The following SLC44A5 variants were observed in gnomAD, a reference collection of about 807,000 sequenced individuals.
The protein encoded by SLC44A5 is solute carrier family 44 member 5.
Under a neutral mutation model 101.8 loss-of-function variants are expected in SLC44A5, and 57 were observed. The observed-to-expected ratio is 0.56, with a 90% CI of 0.45 to 0.70. The LOEUF is 0.70. Ranked by LOEUF, SLC44A5 falls within the 30% of genes least tolerant of loss-of-function variation. The pLI is 0.00. For missense variants in SLC44A5, 737 were observed against 853.1 expected (o/e 0.86, Z 1.70); for synonymous variants, 281 against 290.9 (o/e 0.97, Z 0.35).
intron 5 of SLC44A5, among the ~76,000 whole-genome samples, chr1:75,276,726 A>C (rs1467048637): frequency 6.6e-6 from 1 of 152,190 alleles, no homozygotes; most frequent in Non-Finnish European, 1.5e-5. Flanking sequence ...ATCTAAGACA[A>C]GAGCTTTGAT....
At chr1:75,248,991 C>T (rs1408641056) in intron 7 of SLC44A5, among the ~76,000 whole-genome samples, 1 of 151,938 alleles carries the variant, frequency 6.6e-6, no homozygotes, top group African/African-American at 2.4e-5. Flanking sequence ...TTGCAGGTCC[C>T]AGTAAGGTAA....
chr1:75,469,755 C>T (rs1212201715), intron 2 of SLC44A5, among the ~76,000 whole-genome samples: 2 of 151,914 alleles, frequency 1.3e-5, no homozygotes, highest in African/African-American at 4.8e-5. Context: ...TAAATATTAT[C>T]TGGGCATGGT....
At chr1:75,619,075 A>C in the SLC44A5 span, among the ~76,000 whole-genome samples, 49 of 17,408 alleles carry the variant, frequency 2.8e-3, no homozygotes, top group African/African-American at 6.8e-3. Flanking sequence ...TGTCTCAAAA[A>C]AAAAGGGGGG....
the SLC44A5 span, among the ~76,000 whole-genome samples, chr1:75,701,732 T>G: frequency 6.6e-6 from 1 of 152,176 alleles, no homozygotes; most frequent in African/African-American, 2.4e-5. Flanking sequence ...TGTTTGCCGA[T>G]GACATGATTG....
In SLC44A5 at chr1:75,274,948, C is replaced by A; in HGVS notation, c.260+10G>T. On this transcript the variant is annotated intron_variant, in intron 6 of 23. Transcript: ENST00000370859. ...GTAAAATCACACAAAGCAAAGGTGG[C>A]CATACTCACTCATTGGGAGTGCCCT... The A allele has an allele frequency of 6.2e-7, 1 of 1,607,142 alleles. No individual in the cohort carries two copies. Among genetic ancestry groups the A allele is most frequent in the Non-Finnish European group, 8.5e-7 (1 of 1,175,138 alleles).
chr1:75,390,459 G>C (rs369661052), intron 3 of SLC44A5, among the ~76,000 whole-genome samples: 7 of 147,500 alleles, frequency 4.7e-5, no homozygotes, highest in African/African-American at 1.5e-4. Context: ...ACATCAATAA[G>C]CTAATTCATC....
chr1:75,559,262 A>G (rs552087211), intron 1 of SLC44A5, among the ~76,000 whole-genome samples: 4 of 152,168 alleles, frequency 2.6e-5, no homozygotes, highest in South Asian at 4.1e-4. Context: ...TGAGCAGTAA[A>G]GGAAAAAGAA....
At chr1:75,501,023 G>A (rs372984090) in intron 2 of SLC44A5, among the ~76,000 whole-genome samples, 13 of 152,096 alleles carry the variant, frequency 8.5e-5, no homozygotes, top group East Asian at 1.9e-4. Context: ...GCAAAGTCAC[G>A]CATTTAATAA....
At chr1:75,222,524 C>T in intron 13 of SLC44A5, 64 bp from the exon 14 acceptor site, 1 of 939,908 alleles carries the variant, frequency 1.1e-6, no homozygotes, top group East Asian at 2.5e-5. Flanking sequence ...ACCTTCCCTG[C>T]AAATGCTAGG....
chr1:75,212,505 G>A (rs1262202562), intron 22 of SLC44A5, among the ~76,000 whole-genome samples: 1 of 152,072 alleles, frequency 6.6e-6, no homozygotes, highest in Non-Finnish European at 1.5e-5. Flanking sequence ...CATCCATGTT[G>A]CTGCAAAGGA....
intron 4 of SLC44A5, among the ~76,000 whole-genome samples, chr1:75,306,310 G>C (rs1380247407): frequency 1.3e-5 from 2 of 152,156 alleles, no homozygotes; most frequent in Admixed American, 6.5e-5. Flanking sequence ...ATTTAGCAGA[G>C]TCTTGCATGC....
intron 3 of SLC44A5, among the ~76,000 whole-genome samples, chr1:75,349,555 C>T (rs1658491054): frequency 1.3e-5 from 2 of 151,974 alleles, no homozygotes; most frequent in Admixed American, 1.3e-4. Flanking sequence ...CACTTTCAGG[C>T]AAAACAAATG....
intron 2 of SLC44A5, among the ~76,000 whole-genome samples, chr1:75,511,593 G>A (rs75355812): frequency 0.016 from 2,410 of 152,130 alleles, 64 homozygotes; most frequent in African/African-American, 0.055. Flanking sequence ...AATTTCACCA[G>A]CATTATTTTT....
chr1:75,631,606 T>C, the SLC44A5 span, among the ~76,000 whole-genome samples: 1 of 145,574 alleles, frequency 6.9e-6, no homozygotes, highest in East Asian at 2.1e-4. Context: ...GAGTGCAATG[T>C]CGCAATCTCA....
At chr1:75,715,518 C>G in the SLC44A5 span, among the ~76,000 whole-genome samples, 1 of 152,146 alleles carries the variant, frequency 6.6e-6, no homozygotes, top group African/African-American at 2.4e-5. Flanking sequence ...TGATCTTCAA[C>G]AAAGTCAACA....
intron 2 of SLC44A5, among the ~76,000 whole-genome samples, chr1:75,428,090 A>T (rs1249785): frequency 0.63 from 96,241 of 151,998 alleles, 32,142 homozygotes; most frequent in East Asian, 0.96. Context: ...GCTGGAGTGA[A>T]TAAAATTAGC....
rs536975734 is a variant in SLC44A5 at position 75,466,622 on chromosome 1, C to T, written c.14-70001G>A. On this transcript the variant is annotated intron_variant, in intron 2 of 23. Transcript: ENST00000370859. Reference sequence around the variant, plus strand: ...AGTGAGCCGAGATTGTGCCACTGCACTCCAGCCTGGGTGACAGTTCAAGAT... The same window carrying T: ...AGTGAGCCGAGATTGTGCCACTGCATTCCAGCCTGGGTGACAGTTCAAGAT... 4.9e-5 allele frequency among the ~76,000 whole-genome samples: 7 copies of T among 143,166 alleles called. No individual in the cohort carries two copies. In the South Asian group the frequency reaches 1.5e-3, roughly 31 times the overall value. 93.9% of individuals were successfully genotyped at this position (143,166 alleles called of 152,430 possible).
In SLC44A5 at chr1:75,476,399, G is replaced by A. The variant is rs527382533; in HGVS notation, c.13+65036C>T. ...CACTAGGGAGTGCCAGACAGTGGGC[G>A]CAGGACAGTGGGTGCAGCGCACCGT... On this transcript the variant is annotated intron_variant, in intron 2 of 23. Coordinates refer to ENST00000370859, the MANE Select transcript of SLC44A5 (RefSeq NM_001130058.2). 1.4e-4 allele frequency among the ~76,000 whole-genome samples: 22 copies of A among 152,252 alleles called. No homozygotes were observed. The East Asian group carries it at 3.7e-3, about 26-fold the overall frequency.
chr1:75,722,102 G>A, the SLC44A5 span, among the ~76,000 whole-genome samples: 2 of 152,052 alleles, frequency 1.3e-5, no homozygotes, highest in Non-Finnish European at 2.9e-5. Flanking sequence ...CTACAGATCT[G>A]AGAAAAATAA....
Sources: allele counts gnomAD v4.1 joint callset (sites outside exome capture counted in the v4.1 genomes callset), GRCh38; gene constraint gnomAD v4.1.1; transcripts MANE v1.5; gene names NCBI Gene and HGNC (gene_info 2026-07-23, HGNC 2026-07-21).